Variants in TOM1 observed in about 807,000 individuals in gnomAD.
TOM1 encodes target of myb1 membrane trafficking protein.
TOM1 carries 38 observed loss-of-function variants against 61.3 expected under a neutral mutation model. That is an observed-to-expected ratio of 0.62 (90% confidence interval 0.48 to 0.81). TOM1 has a LOEUF of 0.81. TOM1 is among the 40% of genes least tolerant of loss of function. TOM1 has a pLI of 0.00. For missense variants in TOM1, 591 were observed against 659.6 expected, an observed-to-expected ratio of 0.90 and a Z score of 1.14; for synonymous variants, 270 against 268.8, an observed-to-expected ratio of 1.00 and a Z score of -0.04.
At position 35,336,847 on chromosome 22, in the gene TOM1, C is replaced by T. The variant is rs148398848; in HGVS notation, c.1149-1866C>T. ...TCCTCCAGGGAAGTGCTTGGCCCTC[C>T]ACCACCACAGGCATGGCCTTCAGGG... On this transcript the variant is annotated intron_variant, in intron 11 of 14. Coordinates refer to ENST00000449058, the MANE Select transcript of TOM1 (RefSeq NM_005488.3). 1,236 of 152,536 alleles carry T rather than the reference C, an allele frequency of 8.1e-3. 11 individuals carry two copies. The highest frequency in any genetic ancestry group is 0.013 in the South Asian group (61 of 4,830). The allele number at this position is 152,536 out of a possible 1,614,324, so 9.4% of individuals were successfully genotyped here. A position where few individuals can be genotyped will look rare whatever the true frequency, so the allele number is the denominator to read the frequency against.
At chr22:35,324,536 C>T (rs1223869637) in intron 6 of TOM1, among the ~76,000 whole-genome samples, 1 of 151,520 alleles carries the variant, frequency 6.6e-6, no homozygotes, top group East Asian at 1.9e-4. Context: ...CCCATGAAGT[C>T]TCAAGAAGGT....
intron 1 of TOM1, among the ~76,000 whole-genome samples, chr22:35,308,155 T>G (rs191740832): frequency 2.6e-5 from 4 of 152,134 alleles, no homozygotes; most frequent in African/African-American, 9.7e-5. Context: ...CTACAGATTT[T>G]CAACTTGCTA....
intron 10 of TOM1, 91 bp from the exon 11 acceptor site, chr22:35,334,237 C>A: frequency 6.6e-7 from 1 of 1,521,738 alleles, no homozygotes; most frequent in South Asian, 1.3e-5. Context: ...TTCCCCAGCA[C>A]CAAGCCCTGG....
At chr22:35,336,193 G>A (rs559175607) in intron 11 of TOM1, among the ~76,000 whole-genome samples, 3 of 152,290 alleles carry the variant, frequency 2.0e-5, no homozygotes, top group East Asian at 1.9e-4. Context: ...CCTCCCCAGG[G>A]CTTGGTTTCC....
At chr22:35,329,037 C>G (rs1165606332) in intron 7 of TOM1, among the ~76,000 whole-genome samples, 1 of 152,148 alleles carries the variant, frequency 6.6e-6, no homozygotes, top group African/African-American at 2.4e-5. Context: ...CTCACCGCAG[C>G]CTCTGCCTCT....
intron 12 of TOM1, chr22:35,344,136 C>G (rs1930295611): frequency 6.6e-6 from 1 of 152,446 alleles, no homozygotes; most frequent in South Asian, 2.1e-4. Context: ...CTGTTAGAAG[C>G]CGCGCCCTCC....
At chr22:35,304,695 G>T (rs1289309626) in intron 1 of TOM1, among the ~76,000 whole-genome samples, 13 of 152,162 alleles carry the variant, frequency 8.5e-5, no homozygotes, top group African/African-American at 2.9e-4. Context: ...AGCCAGGATG[G>T]TCTCGATCTC....
intron 1 of TOM1, among the ~76,000 whole-genome samples, chr22:35,307,979 G>A (rs968242304): frequency 6.6e-6 from 1 of 152,188 alleles, no homozygotes; most frequent in East Asian, 1.9e-4. Flanking sequence ...CCCGCGTAAA[G>A]CGTATTGCCC....
chr22:35,323,472 CTG>C lies in TOM1; in HGVS notation c.367-20_367-19del, dbSNP rs779620228. The C allele has an allele frequency of 2.1e-5, 34 of 1,612,672 alleles. No individual in the cohort carries two copies. In the Admixed American group the frequency reaches 5.7e-4, roughly 27 times the overall value. On this transcript the variant is annotated intron_variant, in intron 4 of 14. Coordinates refer to ENST00000449058, the MANE Select transcript of TOM1 (RefSeq NM_005488.3). This position sits in a 1 kb window ranked among gnomAD's most constrained non-coding sequence, Gnocchi z 4.2. The stretch of plus-strand genomic sequence containing the variant: ...CTCACAGGTGAGCTGTGGTTACCGG[CTG>C]TGTCCCCTTGTCCCCTCTCAGTCCT...
intron 2 of TOM1, among the ~76,000 whole-genome samples, chr22:35,319,926 G>T (rs1050287004): frequency 2.0e-5 from 3 of 152,238 alleles, no homozygotes; most frequent in African/African-American, 7.2e-5. Flanking sequence ...TCCCTAGGAA[G>T]CCTTGCCTCT....
chr22:35,321,341 CT>C (rs1053425873), intron 2 of TOM1, among the ~76,000 whole-genome samples: 87 of 144,984 alleles, frequency 6.0e-4, no homozygotes, highest in Admixed American at 4.1e-4. Context: ...TAGGGTTCTG[CT>C]TTTTTTTTTT....
rs746286549 is a variant in TOM1, at chr22:35,317,947, C to T, written c.123C>T (p.Asn41=). The change falls in exon 2 of 15, where the codon AAC becomes AAT. Residue 41 remains asparagine, a synonymous_variant. Transcript: ENST00000449058. The part of the protein sequence containing the change: ...ALNMEICDII[N]ETEEGPKDAL... ...ACATGGAGATCTGCGACATCATCAA[C>T]GAGACGGAGGAAGGGTAAGGGCCCC... The T allele has an allele frequency of 2.4e-5, 38 of 1,613,974 alleles. No individual in the cohort carries two copies. The highest frequency in any genetic ancestry group is 1.6e-4 in the South Asian group (15 of 91,082).
At chr22:35,311,769 G>T (rs1475252134) in intron 1 of TOM1, among the ~76,000 whole-genome samples, 1 of 152,244 alleles carries the variant, frequency 6.6e-6, no homozygotes, top group Admixed American at 6.5e-5. Context: ...CCCCACGACA[G>T]TTGGGGATGT....
Position 35,334,464 on chromosome 22 carries a change from C to G in TOM1, c.1148+16C>G. ...AACGGAAAGAGTGAGTGGCCTGGCC[C>G]TGCCCTGGTCCCCTGCAGTTCGGGT... On this transcript the variant is annotated intron_variant, in intron 11 of 14. Coordinates refer to ENST00000449058, the MANE Select transcript of TOM1 (RefSeq NM_005488.3). 1 of 1,613,552 alleles carries G rather than the reference C, an allele frequency of 6.2e-7. No individual in the cohort carries two copies. The highest frequency in any genetic ancestry group is 1.1e-5 in the South Asian group (1 of 91,032).
Position 35,321,972 on chromosome 22 carries a change from CT to C in TOM1, c.152del (p.Leu51ProfsTer4), listed in dbSNP as rs1177942815. Reference sequence around the variant, plus strand: ...TGTCCTCCTTAGTCCCAAAGATGCCCTCCGAGCAGTAAAGAAGAGAATCGTG... The same window carrying C: ...TGTCCTCCTTAGTCCCAAAGATGCCCCCGAGCAGTAAAGAAGAGAATCGTG... ...NETEEGPKDALRAVKKRIVGN... is the reference protein window; with the variant it reads ...NETEEGPKDAXRAVKKRIVGN... On this transcript the variant is annotated frameshift_variant, in exon 3 of 15. Coordinates refer to ENST00000449058, the MANE Select transcript of TOM1 (RefSeq NM_005488.3). LOFTEE classifies it high-confidence loss of function. 1 of 1,614,170 alleles carries C rather than the reference CT, an allele frequency of 6.2e-7. No homozygotes were observed. The highest frequency in any genetic ancestry group is 1.7e-5 in the Admixed American group (1 of 60,018).
At chr22:35,344,587 G>A (rs1311933945) in intron 12 of TOM1, 1 of 152,274 alleles carries the variant, frequency 6.6e-6, no homozygotes, top group Non-Finnish European at 1.5e-5. Flanking sequence ...GGCACTTGCT[G>A]TTGCCACTGC....
At chr22:35,303,276 G>C (rs953345490) in intron 1 of TOM1, among the ~76,000 whole-genome samples, 1 of 151,908 alleles carries the variant, frequency 6.6e-6, no homozygotes, top group African/African-American at 2.4e-5. Flanking sequence ...CAAGCCCGAC[G>C]TTGCTCTTTT....
intron 8 of TOM1, 67 bp downstream of exon 8, chr22:35,330,547 T>C: frequency 6.8e-7 from 1 of 1,478,826 alleles, no homozygotes; most frequent in Non-Finnish European, 9.1e-7. Flanking sequence ...TTCCTCCCTG[T>C]TCTCCTGGTC....
At chr22:35,321,847 G>C in intron 2 of TOM1, 112 bp from the exon 3 acceptor site, 1 of 903,922 alleles carries the variant, frequency 1.1e-6, no homozygotes, top group Admixed American at 1.7e-5. Context: ...ACACAAAACA[G>C]GTGGGGCACA....
Sources: allele counts gnomAD v4.1 joint callset (sites outside exome capture counted in the v4.1 genomes callset), GRCh38; gene constraint gnomAD v4.1.1; non-coding constraint Gnocchi (gnomAD v3.1); transcripts MANE v1.5; gene names NCBI Gene and HGNC (gene_info 2026-07-23, HGNC 2026-07-21).